SLC24A4: variants seen among roughly 807,000 people sequenced by gnomAD.
SLC24A4 encodes solute carrier family 24 member 4.
Under a neutral mutation model 79.0 loss-of-function variants are expected in SLC24A4, and 53 were observed. That is an observed-to-expected ratio of 0.67 (90% CI 0.54 to 0.84). The LOEUF (loss-of-function observed/expected upper bound fraction) is 0.84. Ranked by LOEUF, SLC24A4 falls within the 40% of genes least tolerant of loss-of-function variation. The pLI is 0.00. For missense variants in SLC24A4, 731 were observed against 822.0 expected (o/e 0.89, Z 1.35); for synonymous variants, 323 against 323.8 (o/e 1.00, Z 0.03).
chr14:92,410,493 G>A (rs4904900), intron 2 of SLC24A4, among the ~76,000 whole-genome samples: 104,689 of 152,062 alleles, frequency 0.69, 36,438 homozygotes, highest in East Asian at 0.97. Context: ...GCCTAGTTTT[G>A]TAAGGTACCT....
At chr14:92,355,826 G>A (rs915581868) in intron 2 of SLC24A4, among the ~76,000 whole-genome samples, 2 of 152,176 alleles carry the variant, frequency 1.3e-5, no homozygotes, top group Non-Finnish European at 2.9e-5. Flanking sequence ...TGGTAGCTCG[G>A]CAAGTGGGTT....
intron 3 of SLC24A4, 51 bp from the exon 4 acceptor site, chr14:92,439,284 G>T: frequency 6.6e-7 from 1 of 1,518,736 alleles, no homozygotes; most frequent in Non-Finnish European, 9.1e-7. Context: ...GCCCTTTGCA[G>T]CTGCAGCAGG....
intron 2 of SLC24A4, among the ~76,000 whole-genome samples, chr14:92,415,509 G>A (rs750566956): frequency 1.3e-5 from 2 of 152,162 alleles, no homozygotes; most frequent in Non-Finnish European, 2.9e-5. Context: ...CCAGGCTGGA[G>A]TGCAATGGCA....
At chr14:92,380,734 G>A (rs920241994) in intron 2 of SLC24A4, among the ~76,000 whole-genome samples, 7 of 152,168 alleles carry the variant, frequency 4.6e-5, no homozygotes, top group Non-Finnish European at 1.0e-4. Flanking sequence ...TGCAAGCAAG[G>A]GCTGTTCCTC....
intron 10 of SLC24A4, chr14:92,453,365 C>T (rs1893259315): frequency 6.6e-6 from 1 of 152,282 alleles, no homozygotes; most frequent in Admixed American, 6.5e-5. Flanking sequence ...AAGTTACAAG[C>T]ATTCTGTCCT....
intron 2 of SLC24A4, among the ~76,000 whole-genome samples, chr14:92,402,767 T>A (rs534501755): frequency 2.0e-5 from 3 of 152,220 alleles, no homozygotes; most frequent in East Asian, 1.9e-4. Flanking sequence ...GTGAGAATTA[T>A]TCACAATCAT....
At chr14:92,329,478 C>T (rs910121756) in intron 2 of SLC24A4, among the ~76,000 whole-genome samples, 2 of 152,108 alleles carry the variant, frequency 1.3e-5, no homozygotes, top group African/African-American at 4.8e-5. Flanking sequence ...GCCTAAGTAC[C>T]AGCCACCACC....
chr14:92,393,875 G>A (rs1295965906), intron 2 of SLC24A4, among the ~76,000 whole-genome samples: 1 of 152,036 alleles, frequency 6.6e-6, no homozygotes, highest in African/African-American at 2.4e-5. Flanking sequence ...GCCAGGTATG[G>A]TGGCAGGCAC....
chr14:92,343,797 G>A (rs538880934), intron 2 of SLC24A4, among the ~76,000 whole-genome samples: 2 of 151,644 alleles, frequency 1.3e-5, no homozygotes, highest in Non-Finnish European at 2.9e-5. Flanking sequence ...CCGCCTCCCA[G>A]GTTCAAGGGA....
chr14:92,402,690 A>T (rs569671036), intron 2 of SLC24A4, among the ~76,000 whole-genome samples: 12 of 151,956 alleles, frequency 7.9e-5, no homozygotes, highest in Middle Eastern at 6.8e-3. Context: ...CACTTCTTAC[A>T]TGGATGGCAG....
intron 12 of SLC24A4, among the ~76,000 whole-genome samples, chr14:92,482,018 A>G (rs1177186285): frequency 2.6e-5 from 4 of 152,184 alleles, no homozygotes; most frequent in South Asian, 4.1e-4. Context: ...CAGGGCACAC[A>G]TTTAGTCTTG....
intron 12 of SLC24A4, among the ~76,000 whole-genome samples, chr14:92,473,471 G>A (rs189467671): frequency 1.3e-5 from 2 of 152,308 alleles, no homozygotes; most frequent in Non-Finnish European, 2.9e-5. Flanking sequence ...GATACTCTTG[G>A]CTAGCATGGA....
intron 2 of SLC24A4, among the ~76,000 whole-genome samples, chr14:92,356,244 A>G (rs943269355): frequency 2.6e-5 from 4 of 152,216 alleles, no homozygotes; most frequent in African/African-American, 9.6e-5. Context: ...GTTGATTTAC[A>G]GTAGTTTCCA....
chr14:92,358,499 A>G (rs992965008), intron 2 of SLC24A4, among the ~76,000 whole-genome samples: 5 of 151,968 alleles, frequency 3.3e-5, no homozygotes, highest in Admixed American at 3.3e-4. Context: ...TACTCATCAT[A>G]ATGTGGTGAA....
intron 3 of SLC24A4, among the ~76,000 whole-genome samples, chr14:92,436,854 C>T (rs1018530641): frequency 6.6e-6 from 1 of 152,120 alleles, no homozygotes; most frequent in African/African-American, 2.4e-5. Flanking sequence ...TCCTAAGCTT[C>T]GTAGCAGGGT....
In SLC24A4 at chr14:92,439,457, T is replaced by C. The variant is rs369062213; in HGVS notation, c.393+48T>C. 3.2e-6 allele frequency: 5 copies of C among 1,560,798 alleles called. No homozygotes were observed. In the African/African-American group the frequency reaches 4.1e-5, roughly 13 times the overall value. ...ACCTTGGTGAAGCCTTGAAGACATG[T>C]GGGACATAAATGCCAAGCCAAGAAG... On this transcript the variant is annotated intron_variant, in intron 4 of 16. Coordinates refer to ENST00000532405, the MANE Select transcript of SLC24A4 (RefSeq NM_153646.4).
Position 92,493,727 on chromosome 14 carries a change from A to G in SLC24A4, c.*99A>G. 1 of 1,366,876 alleles carries G rather than the reference A, an allele frequency of 7.3e-7. No homozygotes were observed. 84.7% of individuals were successfully genotyped at this position (1,366,876 alleles called of 1,614,324 possible). A position where few individuals can be genotyped will look rare whatever the true frequency, so the allele number is the denominator to read the frequency against. On this transcript the variant is annotated 3_prime_UTR_variant, in exon 17 of 17. Transcript: ENST00000532405. ...CACCACAGGTCTCTCCTGCATAGGC[A>G]GCCACTGTCCGTTCTTTCACACACT...
chr14:92,492,185 A>G lies in SLC24A4; in HGVS notation c.1661A>G (p.Asn554Ser). The G allele has an allele frequency of 6.2e-7, 1 of 1,614,068 alleles. No homozygotes were observed. The highest frequency in any genetic ancestry group is 8.5e-7 in the Non-Finnish European group (1 of 1,180,000). The change falls in exon 16 of 17, where the codon AAC becomes AGC. Residue 554 changes from asparagine to serine, a missense_variant. Physicochemically the swap from Asn to Ser is conservative, Grantham distance 46. Transcript: ENST00000532405. ...TGTTTGATTTTCCAGGTGAAGATCA[A>G]CAGCCGGGGGCTGGTCTATTCCGTG... The part of the protein sequence containing the change: ...VVNYGSTVKI[N>S]SRGLVYSVVL...
intron 16 of SLC24A4, among the ~76,000 whole-genome samples, chr14:92,493,093 G>A (rs926482899): frequency 4.0e-5 from 6 of 151,648 alleles, no homozygotes; most frequent in African/African-American, 1.5e-4. Context: ...AAAGACCATG[G>A]TTCCACGCTC....
Sources: allele counts gnomAD v4.1 joint callset (sites outside exome capture counted in the v4.1 genomes callset), GRCh38; gene constraint gnomAD v4.1.1; transcripts MANE v1.5; gene names NCBI Gene and HGNC (gene_info 2026-07-23, HGNC 2026-07-21).